Variants in IGF1R observed in about 807,000 individuals in gnomAD.
IGF1R encodes the protein insulin-like growth factor 1 receptor.
IGF1R carries 44 observed loss-of-function variants against 144.6 expected under a neutral mutation model. The ratio of observed to expected loss-of-function variants is 0.30; its 90% confidence interval spans 0.24 to 0.39. The LOEUF is 0.39. Ranked by LOEUF, IGF1R falls within the 10% of genes least tolerant of loss-of-function variation. The probability of loss-of-function intolerance (pLI) is 1.00; values close to 1 mark genes in which losing one functional copy is unlikely to be tolerated. For synonymous variants in IGF1R, 795 were observed against 722.8 expected (o/e 1.10, Z -1.60); for missense variants, 1,355 against 1,833.7 (o/e 0.74, Z 4.77).
At chr15:98,813,380 T>C (rs1279145069) in intron 2 of IGF1R, among the ~76,000 whole-genome samples, 1 of 152,170 alleles carries the variant, frequency 6.6e-6, no homozygotes, top group African/African-American at 2.4e-5. Flanking sequence ...TAGGGCCAGA[T>C]ACCAGGCAAG....
At position 98,835,086 on chromosome 15, in the gene IGF1R, CA is replaced by C. The variant is rs552725333; in HGVS notation, c.641-56238del. Among the ~76,000 whole-genome samples, 160 of 149,472 alleles carry C rather than the reference CA, an allele frequency of 1.1e-3. 1 individual carries two copies. The highest frequency in any genetic ancestry group is 3.8e-3 in the African/African-American group (153 of 40,498). On this transcript the variant is annotated intron_variant, in intron 2 of 20. Coordinates refer to ENST00000650285, the MANE Select transcript of IGF1R (RefSeq NM_000875.5). The stretch of plus-strand genomic sequence containing the variant: ...GGCAAGAGAACACCCCCCCTACACA[CA>C]CACACACACACACACACACACACCC...
chr15:98,924,081 C>A, intron 12 of IGF1R, 69 bp downstream of exon 12: 1 of 1,377,726 alleles, frequency 7.3e-7, no homozygotes, highest in Non-Finnish European at 1.0e-6. Context: ...TACCTGACTG[C>A]ACAGGTTACC....
chr15:98,858,223 T>A (rs1411331170), intron 2 of IGF1R, among the ~76,000 whole-genome samples: 1 of 152,224 alleles, frequency 6.6e-6, no homozygotes, highest in African/African-American at 2.4e-5. Flanking sequence ...AAACACTCAT[T>A]TGAGTTTAAA....
intron 8 of IGF1R, among the ~76,000 whole-genome samples, chr15:98,914,134 C>T (rs187480694): frequency 6.6e-6 from 1 of 152,318 alleles, no homozygotes; most frequent in East Asian, 1.9e-4. Context: ...GATGCGGGAG[C>T]ACTCTCCGGG....
At chr15:98,696,673 T>C (rs2053604273) in intron 1 of IGF1R, among the ~76,000 whole-genome samples, 1 of 152,182 alleles carries the variant, frequency 6.6e-6, no homozygotes, top group Non-Finnish European at 1.5e-5. Flanking sequence ...AAGAGAATGT[T>C]ACTACCAGGG....
chr15:98,963,189 T>A lies in IGF1R; in HGVS notation c.*5747T>A, dbSNP rs867526198. 4.3e-6 allele frequency: 1 copy of A among 230,742 alleles called. No homozygotes were observed. The highest frequency in any genetic ancestry group is 6.1e-5 in the East Asian group (1 of 16,390). 14.3% of individuals were successfully genotyped at this position (230,742 alleles called of 1,614,324 possible). On this transcript the variant is annotated 3_prime_UTR_variant, in exon 21 of 21. Coordinates refer to ENST00000650285, the MANE Select transcript of IGF1R (RefSeq NM_000875.5). ...TAAAGACACTTTTTTTTTCTCTGTG[T>A]GTGCAAATGTGTGTTTGTGATCCAT...
At chr15:98,825,878 G>A (rs2056886275) in intron 2 of IGF1R, among the ~76,000 whole-genome samples, 2 of 152,176 alleles carry the variant, frequency 1.3e-5, no homozygotes, top group Non-Finnish European at 2.9e-5. Context: ...TGGGTGTGGA[G>A]CCCTCAGATA....
At chr15:98,934,148 C>G (rs1018296925) in intron 15 of IGF1R, among the ~76,000 whole-genome samples, 1 of 147,656 alleles carries the variant, frequency 6.8e-6, no homozygotes, top group Non-Finnish European at 1.5e-5. Context: ...TCTTTGAAAT[C>G]CCATGTGCAT....
intron 2 of IGF1R, among the ~76,000 whole-genome samples, chr15:98,733,143 A>G (rs1463607126): frequency 6.6e-6 from 1 of 152,198 alleles, no homozygotes; most frequent in East Asian, 1.9e-4. Context: ...TGGAACCACC[A>G]CAGTGATCCG....
At chr15:98,712,109 C>T (rs1043922896) in intron 2 of IGF1R, among the ~76,000 whole-genome samples, 1 of 152,156 alleles carries the variant, frequency 6.6e-6, no homozygotes, top group Non-Finnish European at 1.5e-5. Context: ...CAGATCATAG[C>T]ATGGCTGGAG....
intron 2 of IGF1R, among the ~76,000 whole-genome samples, chr15:98,800,674 C>A (rs1448871033): frequency 5.9e-5 from 9 of 151,636 alleles, no homozygotes. Context: ...CTGCAGCAAA[C>A]TTCTCAAGGG....
rs571409547 is a variant in IGF1R at position 98,957,444 on chromosome 15, C to A, written c.*2C>A. ...CTGCCCCAGTCTTCGACCTGCTGATCCTTGGATCCTGAATCTGTGCAAACA... is the reference window on the plus strand; with the variant it reads ...CTGCCCCAGTCTTCGACCTGCTGATACTTGGATCCTGAATCTGTGCAAACA... On this transcript the variant is annotated 3_prime_UTR_variant, in exon 21 of 21. Coordinates refer to ENST00000650285, the MANE Select transcript of IGF1R (RefSeq NM_000875.5). 7 of 1,612,870 alleles carry A rather than the reference C, an allele frequency of 4.3e-6. No homozygotes were observed. The highest frequency in any genetic ancestry group is 2.7e-5 in the African/African-American group (2 of 75,056).
intron 2 of IGF1R, among the ~76,000 whole-genome samples, chr15:98,794,929 CCTTGACACCTCCCCAACCCCAGCCTT>C (rs1275072227): frequency 6.6e-6 from 1 of 152,246 alleles, no homozygotes; most frequent in East Asian, 1.9e-4. Context: ...ATTGTGTCAT[CCTTGACACCTCCCCAACCCCAGCCTT>C]CCCAGCTTTG....
chr15:98,791,189 A>G (rs2056119892), intron 2 of IGF1R, among the ~76,000 whole-genome samples: 1 of 152,224 alleles, frequency 6.6e-6, no homozygotes, highest in Admixed American at 6.5e-5. Flanking sequence ...AAGGGTCTAA[A>G]TCCTATTCTT....
chr15:98,780,606 AAT>A lies in IGF1R; in HGVS notation c.640+72502_640+72503del, dbSNP rs200217332. ...AGAGAGTAAATAAAATTGTAAGGTGAATATGTTATCTACTTGATGGAATTTTT... is the reference window on the plus strand; with the variant it reads ...AGAGAGTAAATAAAATTGTAAGGTGAATGTTATCTACTTGATGGAATTTTT... On this transcript the variant is annotated intron_variant, in intron 2 of 20. Coordinates refer to ENST00000650285, the MANE Select transcript of IGF1R (RefSeq NM_000875.5). 9.3e-5 allele frequency among the ~76,000 whole-genome samples: 14 copies of A among 150,762 alleles called. No homozygotes were observed. The East Asian group carries it at 2.7e-3, about 29-fold the overall frequency.
At position 98,924,656 on chromosome 15, in the gene IGF1R, T is replaced by A; in HGVS notation, c.2754T>A (p.Asp918Glu). ...TSLSGNGSWT[D>E]PVFFYVQAKT... ...TCTCTGGGAATGGGTCGTGGACAGA[T>A]CCTGTGTTCTTCTATGTCCAGGCCA... is the stretch of plus-strand genomic sequence containing the variant. The change falls in exon 13 of 21, where the codon GAT becomes GAA. Residue 918 changes from aspartate (D) to glutamate (E), a missense_variant. Around this residue, in one of 7 missense-constraint regions of IGF1R, gnomAD observed 880 missense variants for 1,202.7 expected, o/e 0.73. Coordinates refer to ENST00000650285, the MANE Select transcript of IGF1R (RefSeq NM_000875.5). The A allele has an allele frequency of 1.2e-6, 2 of 1,614,170 alleles. No individual in the cohort carries two copies. The highest frequency in any genetic ancestry group is 1.7e-6 in the Non-Finnish European group (2 of 1,180,012).
chr15:98,804,314 G>A (rs567209083), intron 2 of IGF1R, among the ~76,000 whole-genome samples: 12 of 152,222 alleles, frequency 7.9e-5, no homozygotes, highest in African/African-American at 2.9e-4. Context: ...ATATCTAGTT[G>A]GGGCATTATC....
intron 5 of IGF1R, among the ~76,000 whole-genome samples, chr15:98,901,878 C>G (rs992865891): frequency 3.9e-5 from 6 of 152,132 alleles, no homozygotes; most frequent in African/African-American, 1.4e-4. Context: ...TTGGGGCATC[C>G]TGGGGCCTGT....
intron 2 of IGF1R, among the ~76,000 whole-genome samples, chr15:98,800,835 G>A (rs1378866575): frequency 2.6e-5 from 4 of 152,194 alleles, no homozygotes; most frequent in African/African-American, 2.4e-5. Context: ...CCAGAAGGGG[G>A]AGGAGAGGGC....
Sources: allele counts gnomAD v4.1 joint callset (sites outside exome capture counted in the v4.1 genomes callset), GRCh38; gene constraint gnomAD v4.1.1; regional missense constraint gnomAD v4.1.1; transcripts MANE v1.5; gene names NCBI Gene and HGNC (gene_info 2026-07-23, HGNC 2026-07-21).